The following TACR3 variants were observed in gnomAD, a reference collection of about 807,000 sequenced individuals.
TACR3 encodes the protein tachykinin receptor 3, also known as neuromedin-K receptor.
A neutral mutation model predicts 35.0 loss-of-function variants in TACR3; 34 were observed. The observed-to-expected ratio is 0.97, with a 90% confidence interval of 0.74 to 1.30. The LOEUF is 1.30. Among genes scored for constraint, TACR3 ranks in the 50% most tolerant of loss-of-function variants. The pLI, the probability that TACR3 is intolerant of heterozygous loss-of-function variation, is 0.00. For synonymous variants in TACR3, 233 were observed against 221.1 expected (o/e 1.05, Z -0.48); for missense variants, 558 against 591.7 (o/e 0.94, Z 0.59).
chr4:103,627,020 TAAAA>T (rs1192359662), intron 3 of TACR3, among the ~76,000 whole-genome samples: 1 of 137,530 alleles, frequency 7.3e-6, no homozygotes, highest in Non-Finnish European at 1.6e-5. Flanking sequence ...GAAAAATAAA[TAAAA>T]AAAAAAAATT....
intron 1 of TACR3, among the ~76,000 whole-genome samples, chr4:103,697,004 C>G (rs1023388627): frequency 6.6e-6 from 1 of 152,138 alleles, no homozygotes; most frequent in Non-Finnish European, 1.5e-5. Context: ...ACCTTAAACT[C>G]CTAGTCTCAG....
chr4:103,654,511 A>C (rs1025471680), intron 3 of TACR3, among the ~76,000 whole-genome samples: 1 of 132,640 alleles, frequency 7.5e-6, no homozygotes, highest in Non-Finnish European at 1.6e-5. Context: ...ACAGATGGAC[A>C]CAGGAAGGGG....
At chr4:103,664,932 T>C (rs956183307) in intron 1 of TACR3, among the ~76,000 whole-genome samples, 4 of 151,580 alleles carry the variant, frequency 2.6e-5, no homozygotes. Flanking sequence ...GCCTCAGCTC[T>C]CTGAGTAGCT....
At chr4:103,619,045 TA>T (rs1724721538) in intron 3 of TACR3, among the ~76,000 whole-genome samples, 1 of 152,202 alleles carries the variant, frequency 6.6e-6, no homozygotes, top group Non-Finnish European at 1.5e-5. Context: ...CAAAGAGAGA[TA>T]GTTTGACTTC....
intron 3 of TACR3, among the ~76,000 whole-genome samples, chr4:103,604,371 C>T (rs1724295618): frequency 1.3e-5 from 2 of 152,116 alleles, no homozygotes; most frequent in South Asian, 4.1e-4. Context: ...CTTCCTTACA[C>T]CTTATACAAA....
intron 1 of TACR3, among the ~76,000 whole-genome samples, chr4:103,704,202 A>G (rs950044099): frequency 1.3e-5 from 2 of 151,052 alleles, no homozygotes; most frequent in African/African-American, 4.8e-5. Flanking sequence ...TCCATATTCT[A>G]TTTAGAATAC....
At chr4:103,591,020 C>T (rs1723880845) in intron 4 of TACR3, among the ~76,000 whole-genome samples, 1 of 152,154 alleles carries the variant, frequency 6.6e-6, no homozygotes, top group Non-Finnish European at 1.5e-5. Flanking sequence ...TTTTACAAAA[C>T]CTTCTACTTC....
intron 3 of TACR3, among the ~76,000 whole-genome samples, chr4:103,654,634 C>T (rs1002821167): frequency 2.0e-5 from 3 of 150,104 alleles, no homozygotes; most frequent in Admixed American, 6.7e-5. Flanking sequence ...CAACGTGGCA[C>T]ATGTATACAT....
chr4:103,668,774 G>T (rs764054725), intron 1 of TACR3, among the ~76,000 whole-genome samples: 1 of 151,590 alleles, frequency 6.6e-6, no homozygotes, highest in African/African-American at 2.4e-5. Context: ...GCTTGAACTC[G>T]GGAAGTGGAG....
intron 2 of TACR3, 140 bp downstream of exon 2, chr4:103,658,075 G>GT: frequency 1.2e-6 from 1 of 836,030 alleles, no homozygotes; most frequent in East Asian, 2.7e-5. Context: ...CCATATTACA[G>GT]TATTTTTATA....
At chr4:103,598,070 C>G (rs1724084843) in intron 3 of TACR3, among the ~76,000 whole-genome samples, 1 of 152,190 alleles carries the variant, frequency 6.6e-6, no homozygotes, top group African/African-American at 2.4e-5. Context: ...GTCCCACCAA[C>G]AGTGTAAAAG....
At chr4:103,628,368 G>A (rs1323671335) in intron 3 of TACR3, among the ~76,000 whole-genome samples, 1 of 150,526 alleles carries the variant, frequency 6.6e-6, no homozygotes, top group Non-Finnish European at 1.5e-5. Flanking sequence ...CTGGTTTTTT[G>A]AAAAGATCAA....
intron 1 of TACR3, among the ~76,000 whole-genome samples, chr4:103,683,470 C>CAAAAAAAAAAA (rs57761679): frequency 2.8e-4 from 6 of 21,148 alleles, no homozygotes; most frequent in African/African-American, 5.1e-4. Context: ...AAAGACTGAC[C>CAAAAAAAAAAA]AAAAAAAAAA....
rs553447310 is a variant in TACR3 at position 103,601,249 on chromosome 4, C to T, written c.889-9566G>A. Among the ~76,000 whole-genome samples, 83 of 152,082 alleles carry T rather than the reference C, an allele frequency of 5.5e-4. 2 individuals carry two copies. The highest frequency in any genetic ancestry group is 5.3e-3 in the Admixed American group (81 of 15,258). On this transcript the variant is annotated intron_variant, in intron 3 of 4. Transcript: ENST00000304883. ...GTTTTCCATTTGCTTGGTAGATTTT[C>T]CTCCATCCCTTTATTTTGAGCCTAT...
chr4:103,632,886 A>G (rs1725098744), intron 3 of TACR3, among the ~76,000 whole-genome samples: 1 of 152,122 alleles, frequency 6.6e-6, no homozygotes, highest in Non-Finnish European at 1.5e-5. Flanking sequence ...AGGGGGCAAG[A>G]TAACTCTAAG....
At chr4:103,656,059 A>G in intron 3 of TACR3, 135 bp downstream of exon 3, 1 of 1,145,158 alleles carries the variant, frequency 8.7e-7, no homozygotes, top group Admixed American at 2.3e-5. Context: ...GAAAAGAAAA[A>G]AAATTAAAAC....
At chr4:103,640,945 T>C (rs906235883) in intron 3 of TACR3, among the ~76,000 whole-genome samples, 1 of 151,966 alleles carries the variant, frequency 6.6e-6, no homozygotes, top group Non-Finnish European at 1.5e-5. Flanking sequence ...TTGTTGCCAG[T>C]GCTTTGAGGC....
rs953507061 is a variant in TACR3, at chr4:103,658,388, A to G, written c.564T>C (p.Ile188=). 6.2e-7 allele frequency: 1 copy of G among 1,613,638 alleles called. No individual in the cohort carries two copies. The highest frequency in any genetic ancestry group is 8.5e-7 in the Non-Finnish European group (1 of 1,179,766). The change falls in exon 2 of 5, where the codon ATT becomes ATC. Residue 188 remains isoleucine, a synonymous_variant. Transcript: ENST00000304883. Reference sequence around the variant, plus strand: ...CAGACAGTCTGGGTTTCAAGGGATCAATAATAGCCATATACCTATATAAAA... The same window carrying G: ...CAGACAGTCTGGGTTTCAAGGGATCGATAATAGCCATATACCTATATAAAA... ...AIAVDRYMAI[I]DPLKPRLSAT...
intron 1 of TACR3, among the ~76,000 whole-genome samples, chr4:103,688,444 C>G (rs1560532155): frequency 6.6e-6 from 1 of 151,134 alleles, no homozygotes; most frequent in Non-Finnish European, 1.5e-5. Context: ...AAGAAACTAC[C>G]ATCAGAGTGA....
Sources: gnomAD v4.1 joint callset for allele counts (sites outside exome capture counted in the v4.1 genomes callset) on GRCh38, gnomAD v4.1.1 for gene constraint, MANE v1.5 for transcripts, NCBI Gene and HGNC (gene_info 2026-07-23, HGNC 2026-07-21) for gene names.